WLS: variants seen among roughly 807,000 people sequenced by gnomAD.
WLS encodes the protein Wnt ligand secretion mediator, also known as protein wntless homolog.
In WLS, 23 loss-of-function variants were observed where a neutral mutation model predicts 62.8. The observed-to-expected ratio is 0.37, with a 90% CI of 0.26 to 0.52. The LOEUF is 0.52. Ranked by LOEUF, WLS falls within the 20% of genes least tolerant of loss-of-function variation. WLS has a pLI of 0.92. For synonymous variants in WLS, 246 were observed against 244.1 expected (o/e 1.01, Z -0.07); for missense variants, 615 against 697.3 (o/e 0.88, Z 1.33).
At chr1:68,209,143 AG>A (rs1012691159) in intron 1 of WLS, among the ~76,000 whole-genome samples, 1 of 117,492 alleles carries the variant, frequency 8.5e-6, no homozygotes, top group Non-Finnish European at 1.8e-5. Context: ...TGGCAAGTTC[AG>A]GGGGGGTGTG....
At chr1:68,197,012 T>G (rs1040922567) in intron 1 of WLS, among the ~76,000 whole-genome samples, 7 of 152,156 alleles carry the variant, frequency 4.6e-5, no homozygotes, top group African/African-American at 1.7e-4. Context: ...ATACTCAAAC[T>G]GACTATTTGC....
chr1:68,139,791 A>G (rs554803201), intron 10 of WLS, among the ~76,000 whole-genome samples: 95 of 152,364 alleles, frequency 6.2e-4, no homozygotes, highest in African/African-American at 1.9e-3. Flanking sequence ...AGGTATGTGT[A>G]GGGACTCCAG....
intron 2 of WLS, among the ~76,000 whole-genome samples, chr1:68,171,106 T>TG (rs11392658): frequency 0.27 from 41,682 of 151,984 alleles, 5,802 homozygotes; most frequent in Middle Eastern, 0.3. Context: ...CTGAAATCCC[T>TG]GTGCTAGATG....
At chr1:68,109,131 G>T (rs1646186512) in intron 11 of WLS, among the ~76,000 whole-genome samples, 2 of 152,214 alleles carry the variant, frequency 1.3e-5, no homozygotes, top group South Asian at 4.1e-4. Context: ...AAGCATAGGT[G>T]AAAGGCAGGG....
intron 2 of WLS, chr1:68,163,091 A>T (rs202008840): frequency 1.9e-6 from 3 of 1,550,276 alleles, no homozygotes; most frequent in Admixed American, 1.8e-5. Context: ...CAAGGGCCAT[A>T]CTTTATGGAA....
At chr1:68,172,475 A>T (rs1007005269) in intron 2 of WLS, among the ~76,000 whole-genome samples, 1 of 151,414 alleles carries the variant, frequency 6.6e-6, no homozygotes, top group African/African-American at 2.4e-5. Context: ...TATAAAAAAA[A>T]GAGTAGGGAT....
chr1:68,162,216 C>T (rs143254758), intron 2 of WLS: 1 of 1,462,456 alleles, frequency 6.8e-7, no homozygotes. Flanking sequence ...AGAGGGCTGC[C>T]CCTCGTATCC....
chr1:68,186,682 A>C, intron 2 of WLS: 1 of 456,118 alleles, frequency 2.2e-6, no homozygotes, highest in South Asian at 1.6e-5. Context: ...AATGATAAAC[A>C]ATATAAAAAG....
intron 11 of WLS, among the ~76,000 whole-genome samples, chr1:68,129,140 A>G (rs1231041792): frequency 2.0e-5 from 3 of 152,110 alleles, no homozygotes; most frequent in East Asian, 1.9e-4. Context: ...CCTGGTCAAC[A>G]TGGCAAAACC....
intron 11 of WLS, among the ~76,000 whole-genome samples, chr1:68,108,497 A>G (rs937820002): frequency 6.6e-6 from 1 of 152,122 alleles, no homozygotes; most frequent in Admixed American, 6.6e-5. Flanking sequence ...CACCCAGCCC[A>G]TAGTGTGCTA....
intron 4 of WLS, 125 bp downstream of exon 4, chr1:68,154,974 T>A: frequency 4.8e-6 from 5 of 1,046,474 alleles, no homozygotes; most frequent in Non-Finnish European, 6.9e-6. Context: ...CACTTTATGA[T>A]CTCAGCCATC....
At chr1:68,226,951 G>T (rs1431950737) in intron 1 of WLS, among the ~76,000 whole-genome samples, 1 of 152,204 alleles carries the variant, frequency 6.6e-6, no homozygotes, top group Non-Finnish European at 1.5e-5. Context: ...GGGAAGGCCT[G>T]AAGTCTCAAT....
chr1:68,160,933 CTT>C (rs368007517), intron 2 of WLS, among the ~76,000 whole-genome samples: 86 of 152,256 alleles, frequency 5.6e-4, no homozygotes, highest in Non-Finnish European at 9.9e-4. Context: ...GAAAAGAAGA[CTT>C]TATCAATGTC....
At chr1:68,149,233 C>T (rs1344904063) in intron 6 of WLS, among the ~76,000 whole-genome samples, 1 of 152,126 alleles carries the variant, frequency 6.6e-6, no homozygotes, top group Non-Finnish European at 1.5e-5. Context: ...TCTTAGCCTC[C>T]AGGTGGGGCC....
rs1294958534 is a variant in WLS at position 68,102,973 on chromosome 1, A to G, written c.1511-4220T>C. 2.0e-5 allele frequency among the ~76,000 whole-genome samples: 3 copies of G among 152,092 alleles called. No homozygotes were observed. In the East Asian group the frequency reaches 5.8e-4, roughly 29 times the overall value. On this transcript the variant is annotated intron_variant, in intron 11 of 11. Coordinates refer to the WLS transcript ENST00000354777. ...ACACCTGCATCTTTCTTCCCCTGGC[A>G]GTGCTCTGAACCCTTTTTTTTGCCG...
chr1:68,110,651 A>ATCTCTC lies in WLS; in HGVS notation c.1511-11899_1511-11898insGAGAGA, dbSNP rs752431176. Reference sequence around the variant, plus strand: ...GGAACAGACTAAGAAGCCCCCAAAAATCTCTGTCTCTCTCTCTCTCTCTCT... The same window carrying ATCTCTC: ...GGAACAGACTAAGAAGCCCCCAAAAATCTCTCTCTCTGTCTCTCTCTCTCTCTCTCT... On this transcript the variant is annotated intron_variant, in intron 11 of 11. Coordinates refer to the WLS transcript ENST00000354777. Among the ~76,000 whole-genome samples the ATCTCTC allele has an allele frequency of 2.2e-3, 278 of 126,218 alleles. 2 individuals are homozygous for ATCTCTC. The highest frequency in any genetic ancestry group is 7.9e-3 in the African/African-American group (258 of 32,518). The allele number at this position is 126,218 out of a possible 152,430, so 82.8% of individuals were successfully genotyped here. A position where few individuals can be genotyped will look rare whatever the true frequency, so the allele number is the denominator to read the frequency against.
intron 1 of WLS, among the ~76,000 whole-genome samples, chr1:68,228,842 C>CAAAAAAAAAAAAAAAAAAAAAAA (rs66626696): frequency 1.7e-4 from 10 of 58,034 alleles, no homozygotes; most frequent in Non-Finnish European, 2.5e-4. Flanking sequence ...ACACTGGTGC[C>CAAAAAAAAAAAAAAAAAAAAAAA]AAAAAAAAAA....
Position 68,131,680 on chromosome 1 carries a change from G to T in WLS, c.1517-5345C>A, listed in dbSNP as rs116457292. 1.4e-3 allele frequency among the ~76,000 whole-genome samples: 207 copies of T among 152,204 alleles called. 1 individual carries two copies. Among genetic ancestry groups the T allele is most frequent in the African/African-American group, 4.9e-3 (204 of 41,538 alleles). ...AAATCTTGGTGTTACAGGCTGAATT[G>T]TATCTCCCCCAAACTCTCAAATTCA... On this transcript the variant is annotated intron_variant, in intron 11 of 11. Coordinates refer to ENST00000262348, the MANE Select transcript of WLS (RefSeq NM_024911.7).
downstream of WLS, among the ~76,000 whole-genome samples, chr1:68,122,538 TTGTTG>T (rs1646376140): frequency 1.3e-5 from 2 of 150,862 alleles, no homozygotes; most frequent in Admixed American, 1.3e-4. Context: ...TTTTATTTGT[TTGTTG>T]TAAGTATTGG....
Sources: allele counts gnomAD v4.1 joint callset (sites outside exome capture counted in the v4.1 genomes callset), GRCh38; gene constraint gnomAD v4.1.1; transcripts MANE v1.5; gene names NCBI Gene and HGNC (gene_info 2026-07-23, HGNC 2026-07-21).